The following CEP43 variants were observed in gnomAD, a reference collection of about 807,000 sequenced individuals.
CEP43 encodes the protein centrosomal protein 43.
A neutral mutation model predicts 52.6 loss-of-function variants in CEP43; 36 were observed. The ratio of observed to expected loss-of-function variants is 0.68; its 90% confidence interval spans 0.52 to 0.90. The LOEUF is 0.90. Ranked by LOEUF, CEP43 falls within the 40% of genes least tolerant of loss-of-function variation. The pLI is 0.00. For synonymous variants in CEP43, 192 were observed against 172.4 expected (o/e 1.11, Z -0.89); for missense variants, 506 against 472.8 (o/e 1.07, Z -0.65).
In CEP43 at chr6:167,050,975, A is replaced by C. The variant is rs973125220; in HGVS notation, c.*10997A>C. Reference sequence around the variant, plus strand: ...TTTATTATTACTCAAATCAGCCTCCACAAAAATTTGGAGGCTAGGTCTTTT... The same window carrying C: ...TTTATTATTACTCAAATCAGCCTCCCCAAAAATTTGGAGGCTAGGTCTTTT... On this transcript the variant is annotated 3_prime_UTR_variant, in exon 13 of 13. Transcript: ENST00000366847. 4 of 152,112 alleles carry C rather than the reference A, an allele frequency of 2.6e-5. No individual in the cohort carries two copies. The highest frequency in any genetic ancestry group is 1.3e-4 in the Admixed American group (2 of 15,278). The allele number at this position is 152,112 out of a possible 1,614,324, so 9.4% of individuals were successfully genotyped here.
At chr6:167,030,414 C>T (rs13195812) in intron 10 of CEP43, among the ~76,000 whole-genome samples, 60,741 of 152,030 alleles carry the variant, frequency 0.4, 12,464 homozygotes, top group Non-Finnish European at 0.46. Context: ...TTCTCCTTCT[C>T]GGCCCTGACA....
In CEP43 at chr6:167,052,454, G is replaced by A. The variant is rs1780882424; in HGVS notation, c.*12476G>A. 6.6e-6 allele frequency: 1 copy of A among 152,156 alleles called. No individual in the cohort carries two copies. Among genetic ancestry groups the A allele is most frequent in the Non-Finnish European group, 1.5e-5 (1 of 68,034 alleles). 9.4% of individuals were successfully genotyped at this position (152,156 alleles called of 1,614,324 possible). On this transcript the variant is annotated 3_prime_UTR_variant, in exon 13 of 13. Coordinates refer to ENST00000366847, the MANE Select transcript of CEP43 (RefSeq NM_007045.4). ...CCAGGGGCCTTTGTAAATTCCCAGT[G>A]ACAACTCTTTGGAAGATGAAATCCC...
At chr6:167,003,540 C>T (rs1380254861) in intron 3 of CEP43, 183 bp from the exon 4 acceptor site, 5 of 556,798 alleles carry the variant, frequency 9.0e-6, no homozygotes, top group Non-Finnish European at 1.6e-5. Context: ...CTGATGATCC[C>T]AGTGAAAAAA....
At chr6:167,005,120 A>G (rs916811412) in intron 5 of CEP43, among the ~76,000 whole-genome samples, 2 of 152,210 alleles carry the variant, frequency 1.3e-5, no homozygotes, top group African/African-American at 4.8e-5. Flanking sequence ...TCAGAAATTT[A>G]TAGGTAAGAA....
chr6:167,027,849 T>A (rs1346945448), intron 10 of CEP43: 1 of 985,160 alleles, frequency 1.0e-6, no homozygotes, highest in Non-Finnish European at 1.2e-6. Flanking sequence ...TTTACGTTAC[T>A]TTTCCCCCCA....
In CEP43 at chr6:167,046,072, C is replaced by T. The variant is rs973125452; in HGVS notation, c.*6094C>T. On this transcript the variant is annotated 3_prime_UTR_variant, in exon 13 of 13. Transcript: ENST00000366847. ...CCTGCCGGTAAGTGTTGGAACTTCA[C>T]GTTTCCCTCTAGTTTTCTCTTTACA... 1.3e-5 allele frequency: 2 copies of T among 152,154 alleles called. No individual in the cohort carries two copies. The highest frequency in any genetic ancestry group is 2.9e-5 in the Non-Finnish European group (2 of 68,048). The allele number at this position is 152,154 out of a possible 1,614,324, so 9.4% of individuals were successfully genotyped here.
In CEP43 at chr6:167,033,880, G is replaced by A. The variant is rs760270191; in HGVS notation, c.1034G>A (p.Ser345Asn). ...DDYVDDFNST[S>N]HRSEKSEISI... Reference sequence around the variant, plus strand: ...TTTTCCCCTTCTGAAATTAGTACCAGCCATCGCTCAGAGAAAAGTGAGATA... The same window carrying A: ...TTTTCCCCTTCTGAAATTAGTACCAACCATCGCTCAGAGAAAAGTGAGATA... The change falls in exon 12 of 13, where the codon AGC becomes AAC. Residue 345 changes from serine to asparagine, a missense_variant. By Grantham distance (46) the Ser-to-Asn change is conservative. Coordinates refer to ENST00000366847, the MANE Select transcript of CEP43 (RefSeq NM_007045.4). 1.9e-6 allele frequency: 3 copies of A among 1,555,364 alleles called. No homozygotes were observed. The highest frequency in any genetic ancestry group is 3.7e-5 in the Admixed American group (2 of 54,474).
intron 12 of CEP43, among the ~76,000 whole-genome samples, chr6:167,038,535 GGGACTATGCTCA>G (rs1191931969): frequency 6.6e-6 from 1 of 152,160 alleles, no homozygotes; most frequent in African/African-American, 2.4e-5. Flanking sequence ...ATCATACATT[GGGACTATGCTCA>G]GGTAAAGAAG....
intron 7 of CEP43, among the ~76,000 whole-genome samples, chr6:167,018,381 G>GT (rs1780148490): frequency 6.6e-6 from 1 of 152,026 alleles, no homozygotes; most frequent in African/African-American, 2.4e-5. Flanking sequence ...CATTGCCATG[G>GT]TATGTGTGTG....
intron 7 of CEP43, among the ~76,000 whole-genome samples, chr6:167,017,780 A>G (rs1583278740): frequency 6.6e-6 from 1 of 152,194 alleles, no homozygotes; most frequent in East Asian, 1.9e-4. Flanking sequence ...TGGCTGCACT[A>G]TAATTTCCCA....
rs73789737 is a variant in CEP43, at chr6:167,021,573, G to C, written c.580-836G>C. Among the ~76,000 whole-genome samples, 363 of 152,270 alleles carry C rather than the reference G, an allele frequency of 2.4e-3. 5 individuals are homozygous for C. Among genetic ancestry groups the C allele is most frequent in the African/African-American group, 8.4e-3 (347 of 41,548 alleles). ...TAAGGGCAGAAAGAAATCTGACCAA[G>C]AATGGAGTGAAAGTCGGCTGTGAAG... On this transcript the variant is annotated intron_variant, in intron 7 of 12. Transcript: ENST00000366847.
rs1003565540 is a variant in CEP43 at position 167,042,325 on chromosome 6, A to G, written c.*2347A>G. On this transcript the variant is annotated 3_prime_UTR_variant, in exon 13 of 13. Transcript: ENST00000366847. The stretch of plus-strand genomic sequence containing the variant: ...ATTAAATACATTTTTATGGTAACCT[A>G]TGTTTTACAGTGGAGTTTTAAAAAT... The G allele has an allele frequency of 5.8e-5, 57 of 985,156 alleles. No homozygotes were observed. The highest frequency in any genetic ancestry group is 7.5e-5 in the East Asian group (1 of 13,262). 61.0% of individuals were successfully genotyped at this position (985,156 alleles called of 1,614,324 possible).
rs374340277 is a variant in CEP43, at chr6:167,039,996, T to C, written c.*18T>C. 2 of 1,612,706 alleles carry C rather than the reference T, an allele frequency of 1.2e-6. No individual in the cohort carries two copies. The highest frequency in any genetic ancestry group is 1.3e-5 in the African/African-American group (1 of 74,594). ...TTGCATAGACACGAAGAAGGAAGTA[T>C]TCTAATTAACAAGGACAGAGGACTG... On this transcript the variant is annotated 3_prime_UTR_variant, in exon 13 of 13. Transcript: ENST00000366847.
chr6:167,016,275 T>C (rs1780096825), intron 7 of CEP43, among the ~76,000 whole-genome samples: 1 of 152,224 alleles, frequency 6.6e-6, no homozygotes, highest in Non-Finnish European at 1.5e-5. Flanking sequence ...CTGTTTCTTT[T>C]TAGAGACAAG....
intron 6 of CEP43, 134 bp from the exon 7 acceptor site, chr6:167,013,374 C>A: frequency 1.6e-6 from 1 of 634,580 alleles, no homozygotes; most frequent in Non-Finnish European, 2.7e-6. Flanking sequence ...AAAAAGCAGG[C>A]CTCACAGAAC....
Position 167,049,541 on chromosome 6 carries a change from T to C in CEP43, c.*9563T>C, listed in dbSNP as rs1013978183. 2 of 152,250 alleles carry C rather than the reference T, an allele frequency of 1.3e-5. No individual in the cohort carries two copies. Among genetic ancestry groups the C allele is most frequent in the Non-Finnish European group, 2.9e-5 (2 of 68,044 alleles). 9.4% of individuals were successfully genotyped at this position (152,250 alleles called of 1,614,324 possible). On this transcript the variant is annotated 3_prime_UTR_variant, in exon 13 of 13. Transcript: ENST00000366847. ...TCATCTGTGTTGTAGCATTTGTCAG[T>C]ACTTCATTTATTTTTGTTTCCTAAC... is the stretch of plus-strand genomic sequence containing the variant.
chr6:167,013,444 GAGTT>G (rs1780026948), intron 6 of CEP43, 60 bp from the exon 7 acceptor site: 3 of 1,324,880 alleles, frequency 2.3e-6, no homozygotes, highest in Non-Finnish European at 3.2e-6. Context: ...GTTTGGTAAT[GAGTT>G]AGTTTATTTT....
In CEP43 at chr6:167,040,097, A is replaced by G. The variant is rs760669597; in HGVS notation, c.*119A>G. Reference sequence around the variant, plus strand: ...CTCTCTATTGGTGCCTTGCATTTCAAAAACACTGCAGATATTTTTTAAAAG... The same window carrying G: ...CTCTCTATTGGTGCCTTGCATTTCAGAAACACTGCAGATATTTTTTAAAAG... On this transcript the variant is annotated 3_prime_UTR_variant, in exon 13 of 13. Transcript: ENST00000366847. 37 of 1,601,700 alleles carry G rather than the reference A, an allele frequency of 2.3e-5. No individual in the cohort carries two copies. Among genetic ancestry groups the G allele is most frequent in the African/African-American group, 4.0e-5 (3 of 74,620 alleles).
chr6:167,003,369 T>G, intron 3 of CEP43, 122 bp downstream of exon 3: 2 of 543,390 alleles, frequency 3.7e-6, no homozygotes, highest in Non-Finnish European at 6.5e-6. Context: ...GTCCTCATTT[T>G]AAAATAATAT....
Sources: gnomAD v4.1 joint callset for allele counts (sites outside exome capture counted in the v4.1 genomes callset) on GRCh38, gnomAD v4.1.1 for gene constraint, MANE v1.5 for transcripts, NCBI Gene and HGNC (gene_info 2026-07-23, HGNC 2026-07-21) for gene names.